Variants in PLEKHG1 observed in about 807,000 individuals in gnomAD.
The protein encoded by PLEKHG1 is pleckstrin homology domain-containing family G member 1.
Under a neutral mutation model 100.8 loss-of-function variants are expected in PLEKHG1, and 44 were observed. The observed-to-expected ratio is 0.44, with a 90% CI of 0.34 to 0.56. The LOEUF is 0.56. Ranked by LOEUF, PLEKHG1 falls within the 20% of genes least tolerant of loss-of-function variation. PLEKHG1 has a pLI of 0.01. For missense variants in PLEKHG1, 1,545 were observed against 1,720.9 expected (o/e 0.90, Z 1.81); for synonymous variants, 640 against 662.5 (o/e 0.97, Z 0.52).
Position 150,821,282 on chromosome 6 carries a change from A to T in PLEKHG1, c.1447+49A>T, listed in dbSNP as rs1162520805. On this transcript the variant is annotated intron_variant, in intron 13 of 15. Transcript: ENST00000358517. The stretch of plus-strand genomic sequence containing the variant: ...TGTTTCATTCTTGTTGATATTCACT[A>T]AATCAAACCACACAAAAATAAATAA... 6.0e-6 allele frequency: 7 copies of T among 1,167,330 alleles called. No homozygotes were observed. The Middle Eastern group carries it at 1.2e-3, about 198-fold the overall frequency. 72.3% of individuals were successfully genotyped at this position (1,167,330 alleles called of 1,614,324 possible).
intron 1 of PLEKHG1, among the ~76,000 whole-genome samples, chr6:150,605,220 A>G (rs1562377411): frequency 6.6e-6 from 1 of 152,216 alleles, no homozygotes; most frequent in Non-Finnish European, 1.5e-5. Context: ...TTTGTATAAT[A>G]ACTTCATCTT....
At chr6:150,714,503 C>G (rs1424626288) in intron 3 of PLEKHG1, among the ~76,000 whole-genome samples, 1 of 152,124 alleles carries the variant, frequency 6.6e-6, no homozygotes, top group Non-Finnish European at 1.5e-5. Context: ...ATGGAGATGT[C>G]AAATCATAAC....
intron 1 of PLEKHG1, among the ~76,000 whole-genome samples, chr6:150,606,637 C>T (rs1049445199): frequency 1.4e-4 from 22 of 152,298 alleles, no homozygotes; most frequent in African/African-American, 4.8e-4. Context: ...CACTTTAGAG[C>T]CTGTTGACCC....
intron 3 of PLEKHG1, among the ~76,000 whole-genome samples, chr6:150,774,261 G>A (rs573294568): frequency 1.3e-5 from 2 of 152,122 alleles, no homozygotes; most frequent in South Asian, 2.1e-4. Context: ...CTTCTTTTTG[G>A]CATTAGCAGG....
At chr6:150,841,210 A>G (rs1777518763) in exon 16 of PLEKHG1, 3 of 425,724 alleles carry the variant, frequency 7.0e-6, no homozygotes, top group Non-Finnish European at 1.3e-5. Context: ...CCCACACCTT[A>G]AGAAATGCAA....
intron 3 of PLEKHG1, among the ~76,000 whole-genome samples, chr6:150,668,948 C>A (rs1779493243): frequency 6.6e-6 from 1 of 152,178 alleles, no homozygotes; most frequent in South Asian, 2.1e-4. Flanking sequence ...GCTCAAGTAT[C>A]TGGCCGTCAT....
At chr6:150,781,706 T>A (rs187484821) in intron 3 of PLEKHG1, among the ~76,000 whole-genome samples, 109 of 151,740 alleles carry the variant, frequency 7.2e-4, no homozygotes, top group African/African-American at 2.6e-3. Flanking sequence ...TCAAAGGGAG[T>A]CTTTTATAGG....
At chr6:150,829,265 C>G (rs1053460048) in intron 14 of PLEKHG1, among the ~76,000 whole-genome samples, 25 of 152,186 alleles carry the variant, frequency 1.6e-4, no homozygotes, top group African/African-American at 5.6e-4. Flanking sequence ...CACCACTGAG[C>G]TCCATCCAGA....
chr6:150,628,134 A>G lies in PLEKHG1; in HGVS notation c.-203-9946A>G, dbSNP rs527675943. Among the ~76,000 whole-genome samples, 5 of 152,264 alleles carry G rather than the reference A, an allele frequency of 3.3e-5. No individual in the cohort carries two copies. The East Asian group carries it at 9.6e-4, about 29-fold the overall frequency. On this transcript the variant is annotated intron_variant, in intron 1 of 3. Coordinates refer to the PLEKHG1 transcript ENST00000367326. ...GGGCAACAGATTGAACTCCAAGTGA[A>G]TGTTTTAAAGGTTTGGTAATACTGA...
At chr6:150,703,011 C>T (rs1780861422) in intron 3 of PLEKHG1, among the ~76,000 whole-genome samples, 1 of 152,162 alleles carries the variant, frequency 6.6e-6, no homozygotes, top group African/African-American at 2.4e-5. Flanking sequence ...AACAAAAAAC[C>T]TCAGCAAGGC....
intron 1 of PLEKHG1, among the ~76,000 whole-genome samples, chr6:150,722,634 G>A (rs934552524): frequency 1.3e-5 from 2 of 152,204 alleles, no homozygotes; most frequent in African/African-American, 4.8e-5. Flanking sequence ...TTACAGGCGT[G>A]AGCCACTGCG....
chr6:150,838,687 G>C (rs1182692816), intron 15 of PLEKHG1, among the ~76,000 whole-genome samples: 1 of 152,186 alleles, frequency 6.6e-6, no homozygotes, highest in South Asian at 2.1e-4. Context: ...AGAAATATCT[G>C]TACTCAGAAT....
At position 150,646,265 on chromosome 6, in the gene PLEKHG1, A is replaced by G; in HGVS notation, c.-157-4463A>G. 1.3e-5 allele frequency among the ~76,000 whole-genome samples: 2 copies of G among 151,798 alleles called. 1 individual carries two copies. Reference sequence around the variant, plus strand: ...CTCTCCCCTCTCTTGTTCTTATCTAATAGTGGGAAAAGTTCTGTTTTATTC... The same window carrying G: ...CTCTCCCCTCTCTTGTTCTTATCTAGTAGTGGGAAAAGTTCTGTTTTATTC... On this transcript the variant is annotated intron_variant, in intron 2 of 3. Transcript: ENST00000367326.
intron 13 of PLEKHG1, among the ~76,000 whole-genome samples, chr6:150,821,479 T>C (rs1776295426): frequency 6.6e-6 from 1 of 152,094 alleles, no homozygotes; most frequent in South Asian, 2.1e-4. Flanking sequence ...AGGCCAGGAC[T>C]TCGAGACTAG....
intron 11 of PLEKHG1, among the ~76,000 whole-genome samples, chr6:150,819,314 C>T (rs1011735633): frequency 1.8e-4 from 27 of 152,134 alleles, no homozygotes; most frequent in African/African-American, 6.0e-4. Context: ...CCTGTAATCC[C>T]AGCACTTTGG....
At chr6:150,675,581 ATTTTTG>A (rs1314984473) in intron 3 of PLEKHG1, among the ~76,000 whole-genome samples, 2 of 152,206 alleles carry the variant, frequency 1.3e-5, no homozygotes, top group Non-Finnish European at 2.9e-5. Flanking sequence ...GATAAAACTT[ATTTTTG>A]TTTTTGTTTT....
chr6:150,701,212 C>T (rs1056983911), intron 3 of PLEKHG1, among the ~76,000 whole-genome samples: 13 of 149,256 alleles, frequency 8.7e-5, no homozygotes, highest in Middle Eastern at 3.5e-3. Flanking sequence ...CCCAGCAACT[C>T]GGGAGTCTGA....
intron 3 of PLEKHG1, among the ~76,000 whole-genome samples, chr6:150,705,341 A>T (rs1256113376): frequency 6.6e-6 from 1 of 152,258 alleles, no homozygotes; most frequent in Non-Finnish European, 1.5e-5. Flanking sequence ...AAACTTTTAA[A>T]AAATAAAATC....
intron 3 of PLEKHG1, among the ~76,000 whole-genome samples, chr6:150,678,572 G>A (rs555574463): frequency 6.6e-6 from 1 of 152,266 alleles, no homozygotes; most frequent in Admixed American, 6.5e-5. Flanking sequence ...GCAGGCAGGG[G>A]TAAAGATTAA....
Sources: gnomAD v4.1 joint callset for allele counts (sites outside exome capture counted in the v4.1 genomes callset) on GRCh38, gnomAD v4.1.1 for gene constraint, MANE v1.5 for transcripts, NCBI Gene and HGNC (gene_info 2026-07-23, HGNC 2026-07-21) for gene names.